CAST: variants seen among roughly 807,000 people sequenced by gnomAD.
CAST encodes MIR583 host.
Under a neutral mutation model 119.6 loss-of-function variants are expected in CAST, and 76 were observed. The observed-to-expected ratio is 0.64, with a 90% CI of 0.53 to 0.77. The LOEUF is 0.77. CAST is among the 30% of genes least tolerant of loss of function. The pLI, the probability that CAST is intolerant of heterozygous loss-of-function variation, is 0.00. For missense variants in CAST, 953 were observed against 946.5 expected, an observed-to-expected ratio of 1.01 and a Z score of -0.09; for synonymous variants, 319 against 331.6, an observed-to-expected ratio of 0.96 and a Z score of 0.41.
the CAST span, among the ~76,000 whole-genome samples, chr5:96,502,815 T>A: frequency 6.6e-6 from 1 of 152,198 alleles, no homozygotes; most frequent in African/African-American, 2.4e-5. Context: ...TTAATCAATA[T>A]GACTCCAACT....
the CAST span, among the ~76,000 whole-genome samples, chr5:96,055,280 A>G: frequency 6.6e-6 from 1 of 152,140 alleles, no homozygotes; most frequent in Non-Finnish European, 1.5e-5. Context: ...TATTGTCTAA[A>G]TTATGTAATT....
chr5:96,290,393 G>T, the CAST span, among the ~76,000 whole-genome samples: 2 of 152,160 alleles, frequency 1.3e-5, no homozygotes, highest in Non-Finnish European at 2.9e-5. Context: ...TGAGTGAAAG[G>T]TTCAGGATTT....
chr5:96,444,432 A>T, the CAST span, among the ~76,000 whole-genome samples: 1 of 152,218 alleles, frequency 6.6e-6, no homozygotes, highest in African/African-American at 2.4e-5. Flanking sequence ...CTCTCATTTT[A>T]TCTCAAGCTG....
the CAST span, among the ~76,000 whole-genome samples, chr5:96,295,138 A>T: frequency 6.6e-6 from 1 of 152,242 alleles, no homozygotes; most frequent in East Asian, 1.9e-4. Flanking sequence ...CAAATGCATA[A>T]TGGAAATAAC....
intron 1 of CAST, among the ~76,000 whole-genome samples, chr5:96,599,003 C>A (rs1747099426): frequency 6.6e-6 from 1 of 152,216 alleles, no homozygotes; most frequent in Admixed American, 6.5e-5. Context: ...TCTTCGGACC[C>A]AGACTGGAGG....
chr5:96,623,936 C>T (rs1256048343), intron 1 of CAST, among the ~76,000 whole-genome samples: 1 of 151,996 alleles, frequency 6.6e-6, no homozygotes, highest in African/African-American at 2.4e-5. Context: ...GAGACTCAAG[C>T]GATCCTCCCA....
chr5:95,996,392 G>A, the CAST span, among the ~76,000 whole-genome samples: 2 of 152,272 alleles, frequency 1.3e-5, no homozygotes, highest in East Asian at 1.9e-4. Flanking sequence ...GATTCTGTGA[G>A]TCAGTCTCAT....
chr5:96,687,078 C>A (rs1042593140), intron 2 of CAST, among the ~76,000 whole-genome samples: 6 of 152,094 alleles, frequency 3.9e-5, no homozygotes, highest in African/African-American at 1.4e-4. Context: ...GGCCAGGGAT[C>A]GTTGGATGGA....
At chr5:96,740,162 T>C in intron 12 of CAST, 44 bp downstream of exon 12, 1 of 858,184 alleles carries the variant, frequency 1.2e-6, no homozygotes, top group South Asian at 1.6e-5. Flanking sequence ...GTTTCCTCTT[T>C]AGAAAATAAT....
chr5:96,499,823 C>T, the CAST span, among the ~76,000 whole-genome samples: 3 of 152,166 alleles, frequency 2.0e-5, no homozygotes, highest in African/African-American at 4.8e-5. Context: ...GCCTAGCTTT[C>T]GGCCCATCTC....
At chr5:96,703,544 G>GA (rs1481494247) in intron 3 of CAST, among the ~76,000 whole-genome samples, 1 of 152,170 alleles carries the variant, frequency 6.6e-6, no homozygotes, top group Non-Finnish European at 1.5e-5. Flanking sequence ...TTTTCACAGA[G>GA]ATTTAACTTT....
chr5:96,381,886 C>T, the CAST span, among the ~76,000 whole-genome samples: 7 of 152,134 alleles, frequency 4.6e-5, no homozygotes, highest in Non-Finnish European at 8.8e-5. Context: ...GACTACAATT[C>T]GGTTTTAAGT....
chr5:95,982,582 T>G, the CAST span, among the ~76,000 whole-genome samples: 1 of 152,190 alleles, frequency 6.6e-6, no homozygotes, highest in Non-Finnish European at 1.5e-5. Flanking sequence ...GGGCCTAACT[T>G]AATGGGTTGT....
the CAST span, among the ~76,000 whole-genome samples, chr5:96,119,909 G>A: frequency 6.6e-6 from 1 of 152,146 alleles, no homozygotes; most frequent in Non-Finnish European, 1.5e-5. Context: ...CGGCAGTCTG[G>A]TAAGAACCAG....
At chr5:96,763,625 G>T (rs1019600265) in intron 25 of CAST, among the ~76,000 whole-genome samples, 2 of 152,172 alleles carry the variant, frequency 1.3e-5, no homozygotes, top group Non-Finnish European at 2.9e-5. Context: ...TTTATTTGAA[G>T]ATGTCACTAA....
chr5:96,429,048 T>A, the CAST span, among the ~76,000 whole-genome samples: 1 of 152,124 alleles, frequency 6.6e-6, no homozygotes, highest in Non-Finnish European at 1.5e-5. Context: ...TATTATTATG[T>A]GCCATTATAA....
the CAST span, chr5:96,397,461 T>C: frequency 3.7e-6 from 6 of 1,612,980 alleles, no homozygotes; most frequent in African/African-American, 2.7e-5. Context: ...AAGAGCACAG[T>C]GCTAGTTCCT....
At chr5:95,996,566 A>C in the CAST span, among the ~76,000 whole-genome samples, 1 of 152,200 alleles carries the variant, frequency 6.6e-6, no homozygotes, top group African/African-American at 2.4e-5. Flanking sequence ...TTACCACGGA[A>C]ACAAATGGAG....
chr5:96,081,952 C>T, the CAST span, among the ~76,000 whole-genome samples: 11 of 152,268 alleles, frequency 7.2e-5, no homozygotes, highest in African/African-American at 2.2e-4. Flanking sequence ...CTCGCTCTGT[C>T]GCCCAGGCTG....
Sources: gnomAD v4.1 joint callset for allele counts (sites outside exome capture counted in the v4.1 genomes callset) on GRCh38, gnomAD v4.1.1 for gene constraint, MANE v1.5 for transcripts, NCBI Gene and HGNC (gene_info 2026-07-23, HGNC 2026-07-21) for gene names.